The following KLHL14 variants were observed in gnomAD, a reference collection of about 807,000 sequenced individuals.
The protein encoded by KLHL14 is kelch like family member 14.
KLHL14 carries 22 observed loss-of-function variants against 64.3 expected under a neutral mutation model. The observed-to-expected ratio is 0.34, with a 90% confidence interval of 0.24 to 0.49. KLHL14 has a LOEUF of 0.49. Among genes scored for constraint, KLHL14 ranks in the 20% least tolerant of loss-of-function variants. The pLI is 0.99. For missense variants in KLHL14, 661 were observed against 789.0 expected (o/e 0.84, Z 1.94); for synonymous variants, 322 against 333.4 (o/e 0.97, Z 0.37).
intron 2 of KLHL14, among the ~76,000 whole-genome samples, chr18:32,768,210 G>A (rs1457036536): frequency 2.0e-5 from 3 of 151,934 alleles, no homozygotes; most frequent in Non-Finnish European, 4.4e-5. Context: ...TTGACAACAC[G>A]ATTCGTTAAC....
Position 32,673,436 on chromosome 18 carries a change from T to C in KLHL14, c.*1221A>G, listed in dbSNP as rs1027575421. 1.3e-5 allele frequency: 2 copies of C among 152,226 alleles called. No homozygotes were observed. The highest frequency in any genetic ancestry group is 2.9e-5 in the Non-Finnish European group (2 of 68,046). The allele number at this position is 152,226 out of a possible 1,614,324, so 9.4% of individuals were successfully genotyped here. A position where few individuals can be genotyped will look rare whatever the true frequency, so the allele number is the denominator to read the frequency against. On this transcript the variant is annotated 3_prime_UTR_variant, in exon 9 of 9. Coordinates refer to ENST00000359358, the MANE Select transcript of KLHL14 (RefSeq NM_020805.3). ...AGTTTTGTCCTTTTGGTTGGCCACA[T>C]TGAGACTATCTCATGCTATCCTGAC...
At chr18:32,766,641 T>C (rs1039985772) in intron 2 of KLHL14, among the ~76,000 whole-genome samples, 1 of 152,168 alleles carries the variant, frequency 6.6e-6, no homozygotes, top group African/African-American at 2.4e-5. Context: ...CCTGTCATCT[T>C]AAATTACTTA....
At chr18:32,762,053 A>C (rs2050317227) in intron 2 of KLHL14, among the ~76,000 whole-genome samples, 1 of 152,126 alleles carries the variant, frequency 6.6e-6, no homozygotes, top group African/African-American at 2.4e-5. Context: ...TTGAACTCCG[A>C]GACTTCTGAA....
In KLHL14 at chr18:32,712,333, T is replaced by C. The variant is rs574659303; in HGVS notation, c.1070-16781A>G. On this transcript the variant is annotated intron_variant, in intron 3 of 8. Coordinates refer to ENST00000359358, the MANE Select transcript of KLHL14 (RefSeq NM_020805.3). ...CTTGTTTTCTATTTCACTAAGAAAA[T>C]ATAAACATTTAGAAAAGAATTCCCA... Among the ~76,000 whole-genome samples, 4 of 152,302 alleles carry C rather than the reference T, an allele frequency of 2.6e-5. No individual in the cohort carries two copies. The East Asian group carries it at 5.8e-4, about 22-fold the overall frequency.
chr18:32,728,087 G>A (rs10502607), intron 3 of KLHL14, among the ~76,000 whole-genome samples: 44,838 of 151,990 alleles, frequency 0.3, 6,871 homozygotes, highest in African/African-American at 0.37. Context: ...CAAAGAGGAT[G>A]GTAGAAGGTT....
chr18:32,696,375 G>A (rs1213477280), intron 3 of KLHL14, among the ~76,000 whole-genome samples: 1 of 152,184 alleles, frequency 6.6e-6, no homozygotes, highest in Non-Finnish European at 1.5e-5. Flanking sequence ...AGAACAGGAT[G>A]CTCCTGTCTC....
At chr18:32,766,282 G>C (rs993022624) in intron 2 of KLHL14, among the ~76,000 whole-genome samples, 2 of 152,026 alleles carry the variant, frequency 1.3e-5, no homozygotes, top group African/African-American at 4.8e-5. Context: ...ATTTCAAACT[G>C]TAAATAAAAA....
chr18:32,692,985 ATGG>A (rs1235145218), intron 4 of KLHL14, among the ~76,000 whole-genome samples: 1 of 152,178 alleles, frequency 6.6e-6, no homozygotes, highest in Non-Finnish European at 1.5e-5. Context: ...GGTTGACCAG[ATGG>A]ATGGAGTATA....
intron 3 of KLHL14, among the ~76,000 whole-genome samples, chr18:32,714,886 C>CTTTTTTT (rs144797469): frequency 6.7e-6 from 1 of 148,364 alleles, no homozygotes; most frequent in Non-Finnish European, 1.5e-5. Flanking sequence ...CTCTGGTGGT[C>CTTTTTTT]CTTTTTTTTT....
intron 1 of KLHL14, among the ~76,000 whole-genome samples, chr18:32,771,469 A>G (rs1248009515): frequency 6.6e-6 from 1 of 152,134 alleles, no homozygotes; most frequent in Non-Finnish European, 1.5e-5. Flanking sequence ...CTAATTTTCC[A>G]GAGATGGCTT....
intron 2 of KLHL14, among the ~76,000 whole-genome samples, chr18:32,746,667 T>C (rs984061088): frequency 1.1e-4 from 16 of 152,226 alleles, no homozygotes; most frequent in Non-Finnish European, 2.1e-4. Context: ...TGCTGGCACT[T>C]TATAATCACC....
At chr18:32,745,885 G>A (rs1207843012) in intron 2 of KLHL14, among the ~76,000 whole-genome samples, 1 of 152,152 alleles carries the variant, frequency 6.6e-6, no homozygotes, top group Non-Finnish European at 1.5e-5. Flanking sequence ...AACTAGAAAA[G>A]TAAAATTAAG....
intron 4 of KLHL14, among the ~76,000 whole-genome samples, chr18:32,690,731 CA>C (rs1047303810): frequency 9.9e-5 from 15 of 151,956 alleles, no homozygotes; most frequent in African/African-American, 3.4e-4. Context: ...TCCACAAAAA[CA>C]AAACAAAACA....
chr18:32,691,820 T>G (rs1568065956), intron 4 of KLHL14, among the ~76,000 whole-genome samples: 1 of 152,194 alleles, frequency 6.6e-6, no homozygotes, highest in Non-Finnish European at 1.5e-5. Flanking sequence ...TTCATTTTTT[T>G]TGTGATTTTC....
In KLHL14 at chr18:32,770,528, C is replaced by G; in HGVS notation, c.64G>C (p.Gly22Arg). ...DPSHSDNLLH[G>R]LNLLWRKQLF... is the part of the protein sequence containing the mutation. ...TGCTTCCTCCACAGCAGGTTGAGGC[C>G]GTGCAGCAGGTTGTCGCTGTGGCTG... Residue 22 changes from glycine (G) to arginine (R), a missense_variant, in exon 2 of 9, where the codon GGC (glycine) becomes CGC (arginine). Around this residue, in one of 2 missense-constraint regions of KLHL14, gnomAD observed 331 missense variants for 339.0 expected, o/e 0.98. Coordinates refer to ENST00000359358, the MANE Select transcript of KLHL14 (RefSeq NM_020805.3). The surrounding 1 kb of genome is among the most constrained non-coding windows in gnomAD (Gnocchi z 6.7). 6.2e-7 allele frequency: 1 copy of G among 1,608,216 alleles called. No individual in the cohort carries two copies. Among genetic ancestry groups the G allele is most frequent in the Non-Finnish European group, 8.5e-7 (1 of 1,179,186 alleles).
At chr18:32,733,428 C>G (rs887527049) in intron 3 of KLHL14, among the ~76,000 whole-genome samples, 5 of 150,692 alleles carry the variant, frequency 3.3e-5, no homozygotes, top group Non-Finnish European at 3.0e-5. Flanking sequence ...CACAAGAAGA[C>G]AAAGGAAAAA....
intron 4 of KLHL14, among the ~76,000 whole-genome samples, chr18:32,688,000 T>C (rs2049887882): frequency 6.6e-6 from 1 of 152,228 alleles, no homozygotes; most frequent in African/African-American, 2.4e-5. Context: ...GTGAGTCCTC[T>C]GAGCTGCTTA....
chr18:32,762,617 C>T lies in KLHL14; in HGVS notation c.947+7028G>A, dbSNP rs182807496. The stretch of plus-strand genomic sequence containing the variant: ...ATTTGTGAAGAGATAAACCTCTCTG[C>T]TATTTACAGTAAAATGAACACACTC... On this transcript the variant is annotated intron_variant, in intron 2 of 8. Coordinates refer to ENST00000359358, the MANE Select transcript of KLHL14 (RefSeq NM_020805.3). Among the ~76,000 whole-genome samples, 64 of 152,210 alleles carry T rather than the reference C, an allele frequency of 4.2e-4. 1 individual carries two copies. The Middle Eastern group carries it at 0.014, about 32-fold the overall frequency.
At position 32,770,329 on chromosome 18, in the gene KLHL14, G is replaced by T; in HGVS notation, c.263C>A (p.Pro88Gln). ...CTGCTGCTGTGACGGCTGCTGCTGC[G>T]GCGGCTGCTGCTGGTCCTTGGGGGC... ...LGAPKDQQQP[P>Q]QQQPSQQQQP... The change falls in exon 2 of 9, where the codon CCG becomes CAG. Residue 88 changes from proline (P) to glutamine (Q), a missense_variant. Physicochemically the swap from Pro to Gln is moderately conservative, Grantham distance 76. Around this residue, in one of 2 missense-constraint regions of KLHL14, gnomAD observed 331 missense variants for 339.0 expected, o/e 0.98. Coordinates refer to ENST00000359358, the MANE Select transcript of KLHL14 (RefSeq NM_020805.3). The surrounding 1 kb of genome is among the most constrained non-coding windows in gnomAD (Gnocchi z 6.7). 1 of 1,584,192 alleles carries T rather than the reference G, an allele frequency of 6.3e-7. No individual in the cohort carries two copies.
Sources: allele counts gnomAD v4.1 joint callset (sites outside exome capture counted in the v4.1 genomes callset), GRCh38; gene constraint gnomAD v4.1.1; regional missense constraint gnomAD v4.1.1; non-coding constraint Gnocchi (gnomAD v3.1); transcripts MANE v1.5; gene names NCBI Gene and HGNC (gene_info 2026-07-23, HGNC 2026-07-21).